The following SOX6 variants were observed in gnomAD, a reference collection of about 807,000 sequenced individuals.
SOX6 encodes transcription factor SOX-6.
Under a neutral mutation model 97.8 loss-of-function variants are expected in SOX6, and 11 were observed. That is an observed-to-expected ratio of 0.11 (90% CI 0.07 to 0.19). SOX6 has a LOEUF of 0.19. Among genes scored for constraint, SOX6 ranks in the 10% least tolerant of loss-of-function variants. SOX6 has a pLI of 1.00. For missense variants in SOX6, 810 were observed against 1,039.5 expected (o/e 0.78, Z 3.04); for synonymous variants, 360 against 371.4 (o/e 0.97, Z 0.35).
At chr11:16,292,024 G>A (rs1854932477) in intron 3 of SOX6, among the ~76,000 whole-genome samples, 1 of 151,984 alleles carries the variant, frequency 6.6e-6, no homozygotes, top group African/African-American at 2.4e-5. Flanking sequence ...TCCTGCTTAT[G>A]GGCAGATCAT....
intron 3 of SOX6, among the ~76,000 whole-genome samples, chr11:16,249,951 A>G (rs1853456819): frequency 6.6e-6 from 1 of 152,216 alleles, no homozygotes; most frequent in Admixed American, 6.5e-5. Context: ...TCAGAAAATG[A>G]TTCTCTACGA....
intron 4 of SOX6, among the ~76,000 whole-genome samples, chr11:16,192,668 G>A (rs1012693846): frequency 2.0e-5 from 3 of 151,138 alleles, no homozygotes; most frequent in Non-Finnish European, 4.4e-5. Flanking sequence ...CAAAGCCACA[G>A]AGAAGATTCA....
At chr11:16,121,306 C>G (rs914473796) in intron 6 of SOX6, among the ~76,000 whole-genome samples, 2 of 151,900 alleles carry the variant, frequency 1.3e-5, no homozygotes, top group African/African-American at 4.8e-5. Flanking sequence ...AAATGAAGAG[C>G]TCAATACTTA....
At chr11:16,641,728 C>T (rs563626161) in intron 3 of SOX6, among the ~76,000 whole-genome samples, 34 of 152,226 alleles carry the variant, frequency 2.2e-4, no homozygotes, top group African/African-American at 8.2e-4. Flanking sequence ...AAGATTGCAA[C>T]CCCTGCCTTT....
chr11:16,092,854 A>T (rs964063990), intron 9 of SOX6, among the ~76,000 whole-genome samples: 1 of 125,710 alleles, frequency 8.0e-6, no homozygotes, highest in African/African-American at 3.4e-5. Flanking sequence ...TTTTTCATTA[A>T]AAAAAAAAAG....
intron 1 of SOX6, among the ~76,000 whole-genome samples, chr11:16,362,501 C>A (rs968190206): frequency 6.6e-6 from 1 of 151,324 alleles, no homozygotes; most frequent in African/African-American, 2.4e-5. Flanking sequence ...AAGGAAAGCC[C>A]GAAAAAACCT....
chr11:16,722,318 C>A (rs1236900849), intron 2 of SOX6, among the ~76,000 whole-genome samples: 1 of 152,084 alleles, frequency 6.6e-6, no homozygotes, highest in Non-Finnish European at 1.5e-5. Flanking sequence ...CTTAAATAAA[C>A]TAAACAAATT....
At chr11:16,510,356 T>G (rs1408945407) in intron 4 of SOX6, among the ~76,000 whole-genome samples, 2 of 152,086 alleles carry the variant, frequency 1.3e-5, no homozygotes, top group Non-Finnish European at 2.9e-5. Context: ...TATACCGCCC[T>G]ATTTTTTTTC....
chr11:16,734,177 A>C (rs1848373643), intron 2 of SOX6, among the ~76,000 whole-genome samples: 1 of 152,090 alleles, frequency 6.6e-6, no homozygotes, highest in South Asian at 2.1e-4. Context: ...ATAGTGCCAC[A>C]TTTTAAATCA....
chr11:16,342,234 T>C (rs1856660307), intron 1 of SOX6, among the ~76,000 whole-genome samples: 1 of 151,980 alleles, frequency 6.6e-6, no homozygotes, highest in African/African-American at 2.4e-5. Flanking sequence ...TTTATTAAGA[T>C]GAATTTCTTG....
At chr11:16,105,877 C>A (rs1025237680) in intron 7 of SOX6, among the ~76,000 whole-genome samples, 1 of 152,034 alleles carries the variant, frequency 6.6e-6, no homozygotes, top group Non-Finnish European at 1.5e-5. Flanking sequence ...AAGCTTAACA[C>A]GCAAGTATCA....
At chr11:16,389,966 T>C (rs967538673) in intron 1 of SOX6, among the ~76,000 whole-genome samples, 2 of 32,408 alleles carry the variant, frequency 6.2e-5, no homozygotes, top group Non-Finnish European at 1.1e-4. Flanking sequence ...CAAGACTCCG[T>C]CTTAAAAAAA....
chr11:16,656,433 A>C (rs565191877), intron 3 of SOX6, among the ~76,000 whole-genome samples: 2 of 152,304 alleles, frequency 1.3e-5, no homozygotes, highest in East Asian at 3.9e-4. Context: ...ATGAATACAT[A>C]GTGGACCACG....
chr11:16,042,746 C>T (rs1306125125), intron 12 of SOX6, among the ~76,000 whole-genome samples: 1 of 152,120 alleles, frequency 6.6e-6, no homozygotes, highest in Non-Finnish European at 1.5e-5. Context: ...CCATATACTT[C>T]AGAGGCAAGT....
At chr11:16,297,103 T>C (rs1855116647) in intron 3 of SOX6, among the ~76,000 whole-genome samples, 1 of 152,178 alleles carries the variant, frequency 6.6e-6, no homozygotes, top group African/African-American at 2.4e-5. Context: ...TAAATAATTT[T>C]TAAAGCAGAT....
chr11:16,538,624 A>C lies in SOX6; in HGVS notation n.610-62236T>G, dbSNP rs1590237460. ...CATAGGCTCAAAATAAAGTGATGGAAGAAGATCTACAAAGCAAATGGAAAA... is the reference window on the plus strand; with the variant it reads ...CATAGGCTCAAAATAAAGTGATGGACGAAGATCTACAAAGCAAATGGAAAA... On this transcript the variant is annotated intron_variant and non_coding_transcript_variant, in intron 4 of 5. Coordinates refer to the SOX6 transcript ENST00000524520. Among the ~76,000 whole-genome samples, 5 of 152,146 alleles carry C rather than the reference A, an allele frequency of 3.3e-5. No homozygotes were observed. The South Asian group carries it at 8.3e-4, about 25-fold the overall frequency.
chr11:16,716,849 A>G (rs1848223099), intron 2 of SOX6, among the ~76,000 whole-genome samples: 1 of 152,132 alleles, frequency 6.6e-6, no homozygotes, highest in Admixed American at 6.5e-5. Context: ...TCAAAAACAG[A>G]AAAAAATTAA....
chr11:16,571,493 C>T (rs1279221427), intron 4 of SOX6, among the ~76,000 whole-genome samples: 1 of 152,100 alleles, frequency 6.6e-6, no homozygotes, highest in Admixed American at 6.6e-5. Flanking sequence ...TTTACATGTG[C>T]GATCACAGCA....
intron 4 of SOX6, among the ~76,000 whole-genome samples, chr11:16,222,432 T>C (rs1403037799): frequency 6.6e-6 from 1 of 152,110 alleles, no homozygotes; most frequent in Non-Finnish European, 1.5e-5. Flanking sequence ...CAGGCTGGTC[T>C]TGAACTCCTA....
Sources: allele counts gnomAD v4.1 joint callset (sites outside exome capture counted in the v4.1 genomes callset), GRCh38; gene constraint gnomAD v4.1.1; transcripts MANE v1.5; gene names NCBI Gene and HGNC (gene_info 2026-07-23, HGNC 2026-07-21).